Variants in TCHH observed in about 807,000 individuals in gnomAD.
TCHH encodes trichohyalin.
TCHH carries 6 observed loss-of-function variants against 6.3 expected under a neutral mutation model. The ratio of observed to expected loss-of-function variants is 0.95; its 90% CI spans 0.52 to 1.88. The LOEUF (loss-of-function observed/expected upper bound fraction) is 1.88. TCHH is among the 40% of genes most tolerant of loss of function. The pLI, the probability that TCHH is intolerant of heterozygous loss-of-function variation, is 0.01. For missense variants in TCHH, 2,920 were observed against 2,449.1 expected (o/e 1.19, Z -4.06); for synonymous variants, 1,087 against 963.6 (o/e 1.13, Z -2.37).
rs769196878 is a variant in TCHH, at chr1:152,107,726, C to T, written c.5491G>A (p.Glu1831Lys). The change falls in exon 3 of 3, where the codon GAG becomes AAG. Residue 1831 changes from glutamate (E) to lysine (K), a missense_variant. Physicochemically the swap from Glu to Lys is moderately conservative, Grantham distance 56 (BLOSUM62 1). Coordinates refer to ENST00000614923, the MANE Select transcript of TCHH (RefSeq NM_007113.4). The stretch of plus-strand genomic sequence containing the variant: ...TGCCGCAGCCTCTGCTCTTGTTCCT[C>T]AAGTTGGAGCTGCTCTTCTTCCCAG... ...YRWEEEQLQL[E>K]EQEQRLRQER... The T allele has an allele frequency of 1.7e-5, 28 of 1,614,118 alleles. No homozygotes were observed. The South Asian group carries it at 1.9e-4, about 11-fold the overall frequency.
rs1272977548 is a variant in TCHH, at chr1:152,111,923, C to G, written c.1294G>C (p.Glu432Gln). Residue 432 changes from glutamate (E) to glutamine (Q), a missense_variant, in exon 3 of 3, where the codon GAG (glutamate) becomes CAG (glutamine). Physicochemically the swap from Glu to Gln is conservative, Grantham distance 29 (BLOSUM62 2). Transcript: ENST00000614923. ...TGCTCGTGCTTCTGCTCGTGCCTCT[C>G]CTCCTCCTGCTCGCGCCTCAGCTGC... ...EQQLRREQEE[E>Q]RHEQKHEQER... 2 of 1,586,766 alleles carry G rather than the reference C, an allele frequency of 1.3e-6. No individual in the cohort carries two copies. The highest frequency in any genetic ancestry group is 1.7e-6 in the Non-Finnish European group (2 of 1,171,720).
At position 152,109,153 on chromosome 1, in the gene TCHH, C is replaced by T. The variant is rs1336123753; in HGVS notation, c.4064G>A (p.Arg1355His). 2 of 1,613,882 alleles carry T rather than the reference C, an allele frequency of 1.2e-6. No homozygotes were observed. Among genetic ancestry groups the T allele is most frequent in the South Asian group, 1.1e-5 (1 of 91,064 alleles). The change falls in exon 3 of 3, where the codon CGC (arginine) becomes CAC (histidine). Residue 1355 changes from arginine to histidine, a missense_variant. Coordinates refer to ENST00000614923, the MANE Select transcript of TCHH (RefSeq NM_007113.4). ...LQEREEQPLR[R>H]QERDRKFREE... The stretch of plus-strand genomic sequence containing the variant: ...GCGGAATTTTCTGTCACGCTCTTGG[C>T]GGCGCAGCGGCTGTTCCTCCCTTTC...
chr1:152,110,465 G>A lies in TCHH; in HGVS notation c.2752C>T (p.Arg918Cys), dbSNP rs773220636. ...EEEEELQREE[R>C]EKRRRQEQER... ...TGTTCTTGGCGCCTTCTCTTCTCGC[G>A]CTCCTCTCTCTGTAGCTCCTCCTCC... The change falls in exon 3 of 3, where the codon CGC becomes TGC. Residue 918 changes from arginine (R) to cysteine (C), a missense_variant. Physicochemically the swap from Arg to Cys is radical, Grantham distance 180. Coordinates refer to ENST00000614923, the MANE Select transcript of TCHH (RefSeq NM_007113.4). 3 of 1,613,894 alleles carry A rather than the reference G, an allele frequency of 1.9e-6. No homozygotes were observed. The highest frequency in any genetic ancestry group is 1.1e-5 in the South Asian group (1 of 91,084).
At position 152,110,904 on chromosome 1, in the gene TCHH, C is replaced by T; in HGVS notation, c.2313G>A (p.Trp771Ter). ...EEQRRDFTWQ[W>*]QAEEKSERGR... ...CCCTCTCGCTCTTTTCCTCCGCCTG[C>T]CACTGCCATGTGAAGTCCCGGCGCT... is the stretch of plus-strand genomic sequence containing the variant. Residue 771 changes from tryptophan to a stop codon, truncating the protein, a stop_gained, in exon 3 of 3, where the codon TGG becomes TGA. Transcript: ENST00000614923. LOFTEE classifies it low-confidence loss of function (END_TRUNC). 1.2e-6 allele frequency: 2 copies of T among 1,612,882 alleles called. No homozygotes were observed. The highest frequency in any genetic ancestry group is 8.5e-7 in the Non-Finnish European group (1 of 1,179,976).
Position 152,110,668 on chromosome 1 carries a change from T to C in TCHH, c.2549A>G (p.Gln850Arg), listed in dbSNP as rs760220914. Residue 850 changes from glutamine to arginine, a missense_variant, in exon 3 of 3, where the codon CAG becomes CGG. Physicochemically the swap from Gln to Arg is conservative, Grantham distance 43 (BLOSUM62 1). Coordinates refer to ENST00000614923, the MANE Select transcript of TCHH (RefSeq NM_007113.4). Reference protein sequence around the residue: ...LQRRERAQQLQEEEDGLQEDQ... With the variant: ...LQRRERAQQLREEEDGLQEDQ... The stretch of plus-strand genomic sequence containing the variant: ...CTCCTGGAGGCCGTCCTCCTCCTCC[T>C]GGAGCTGTTGGGCACGCTCCCGCCG... The C allele has an allele frequency of 1.1e-5, 17 of 1,613,402 alleles. No homozygotes were observed. Among genetic ancestry groups the C allele is most frequent in the Non-Finnish European group, 1.4e-5 (17 of 1,179,966 alleles).
rs750524187 is a variant in TCHH at position 152,111,284 on chromosome 1, G to C, written c.1933C>G (p.Gln645Glu). 3 of 1,600,750 alleles carry C rather than the reference G, an allele frequency of 1.9e-6. No individual in the cohort carries two copies. The highest frequency in any genetic ancestry group is 2.8e-5 in the African/African-American group (2 of 72,504). ...KSEEQEERRQQQLRREQQERR... is the reference protein window; with the variant it reads ...KSEEQEERRQEQLRREQQERR... ...TCCTGCTGCTCGCGCCTTAGTTGCT[G>C]CTGGCGCCTCTCCTCCTGCTCCTCG... The change falls in exon 3 of 3, where the codon CAG becomes GAG. Residue 645 changes from glutamine to glutamate, a missense_variant. By Grantham distance (29) the Gln-to-Glu change is conservative (BLOSUM62 2). Coordinates refer to ENST00000614923, the MANE Select transcript of TCHH (RefSeq NM_007113.4).
chr1:152,113,761 C>T (rs751009357), intron 2 of TCHH, among the ~76,000 whole-genome samples, 182 bp downstream of exon 2: 2 of 152,182 alleles, frequency 1.3e-5, no homozygotes, highest in African/African-American at 4.8e-5. Flanking sequence ...ACATGAAATA[C>T]TTTATTATTC....
Position 152,112,409 on chromosome 1 carries a change from C to G in TCHH, c.808G>C (p.Glu270Gln). The change falls in exon 3 of 3, where the codon GAG becomes CAG. Residue 270 changes from glutamate (E) to glutamine (Q), a missense_variant. Coordinates refer to ENST00000614923, the MANE Select transcript of TCHH (RefSeq NM_007113.4). ...LQEEEPQRQR[E>Q]LQEEEEQLRK... ...AGCTGCTCTTCTTCCTCCTGGAGCTCTCTTTGCCGCTGCGGCTCCTCTTCC... is the reference window on the plus strand; with the variant it reads ...AGCTGCTCTTCTTCCTCCTGGAGCTGTCTTTGCCGCTGCGGCTCCTCTTCC... The G allele has an allele frequency of 6.2e-7, 1 of 1,613,854 alleles. No homozygotes were observed. Among genetic ancestry groups the G allele is most frequent in the Non-Finnish European group, 8.5e-7 (1 of 1,180,006 alleles).
chr1:152,108,866 C>T lies in TCHH; in HGVS notation c.4351G>A (p.Glu1451Lys), dbSNP rs746688192. 1.2e-6 allele frequency: 2 copies of T among 1,613,030 alleles called. No homozygotes were observed. Among genetic ancestry groups the T allele is most frequent in the East Asian group, 2.2e-5 (1 of 44,738 alleles). ...CGCTCCTGGCGCAGCTGCTGTTCCT[C>T]CTCCAGGAATTTTCTCTCTCGTTCC... ...RQERERKFLE[E>K]EQQLRQERHR... is the part of the protein sequence containing the mutation. Residue 1451 changes from glutamate to lysine, a missense_variant, in exon 3 of 3, where the codon GAG (glutamate) becomes AAG (lysine). Transcript: ENST00000614923.
chr1:152,111,422 C>T lies in TCHH; in HGVS notation c.1795G>A (p.Glu599Lys), dbSNP rs766428309. The T allele has an allele frequency of 3.7e-6, 6 of 1,602,328 alleles. No homozygotes were observed. The African/African-American group carries it at 7.0e-5, about 19-fold the overall frequency. Residue 599 changes from glutamate to lysine, a missense_variant, in exon 3 of 3, where the codon GAG becomes AAG. Transcript: ENST00000614923. ...RLKREQEERL[E>K]QRLKREEVER... ...ACCTCCTCGCGCTTCAGTCGCTGCTCGAGCCTCTCTTCCTGCTCGCGCTTC... is the reference window on the plus strand; with the variant it reads ...ACCTCCTCGCGCTTCAGTCGCTGCTTGAGCCTCTCTTCCTGCTCGCGCTTC...
In TCHH at chr1:152,112,419, C is replaced by T. The variant is rs541676028; in HGVS notation, c.798G>A (p.Gln266=). 1 of 1,613,924 alleles carries T rather than the reference C, an allele frequency of 6.2e-7. No homozygotes were observed. Among genetic ancestry groups the T allele is most frequent in the East Asian group, 2.2e-5 (1 of 44,854 alleles). The change falls in exon 3 of 3, where the codon CAG becomes CAA. Residue 266 remains glutamine (Q), a synonymous_variant. Coordinates refer to ENST00000614923, the MANE Select transcript of TCHH (RefSeq NM_007113.4). The part of the protein sequence containing the change: ...EEEKLQEEEP[Q]RQRELQEEEE... Reference sequence around the variant, plus strand: ...CTTCCTCCTGGAGCTCTCTTTGCCGCTGCGGCTCCTCTTCCTGCAACTTCT... The same window carrying T: ...CTTCCTCCTGGAGCTCTCTTTGCCGTTGCGGCTCCTCTTCCTGCAACTTCT...
Position 152,111,367 on chromosome 1 carries a change from T to C in TCHH, c.1850A>G (p.Glu617Gly). 2.5e-6 allele frequency: 4 copies of C among 1,608,236 alleles called. No homozygotes were observed. The highest frequency in any genetic ancestry group is 3.4e-6 in the Non-Finnish European group (4 of 1,178,648). The change falls in exon 3 of 3, where the codon GAG (glutamate) becomes GGG (glycine). Residue 617 changes from glutamate (E) to glycine (G), a missense_variant. Transcript: ENST00000614923. ...CGGCTCCTCGCGCTTCAGCCGCTGC[T>C]CGCGCCTCTCCTCCTGCTCGAGTCT... Reference protein sequence around the residue: ...VERLEQEERREQRLKREEPEE... With the variant: ...VERLEQEERRGQRLKREEPEE...
At position 152,111,856 on chromosome 1, in the gene TCHH, C is replaced by T. The variant is rs1208304539; in HGVS notation, c.1361G>A (p.Arg454Lys). ...CTCCTCGCGCTTCAGCCAATCGCGCCTCTCCTCCTGCTCGCGCTTCAGCCG... is the reference window on the plus strand; with the variant it reads ...CTCCTCGCGCTTCAGCCAATCGCGCTTCTCCTCCTGCTCGCGCTTCAGCCG... Reference protein sequence around the residue: ...EQRLKREQEERRDWLKREEET... With the variant: ...EQRLKREQEEKRDWLKREEET... The change falls in exon 3 of 3, where the codon AGG becomes AAG. Residue 454 changes from arginine (R) to lysine (K), a missense_variant. Arg to Lys is a conservative substitution (Grantham distance 26). Coordinates refer to ENST00000614923, the MANE Select transcript of TCHH (RefSeq NM_007113.4). 6.9e-6 allele frequency: 11 copies of T among 1,592,864 alleles called. No homozygotes were observed. The South Asian group carries it at 8.9e-5, about 13-fold the overall frequency.
rs771999243 is a variant in TCHH, at chr1:152,107,472, G to A, written c.5745C>T (p.Pro1915=). 3.1e-6 allele frequency: 5 copies of A among 1,613,972 alleles called. No individual in the cohort carries two copies. Among genetic ancestry groups the A allele is most frequent in the East Asian group, 4.5e-5 (2 of 44,892 alleles). Residue 1915 remains proline, a synonymous_variant, in exon 3 of 3, where the codon CCC becomes CCT. Coordinates refer to ENST00000614923, the MANE Select transcript of TCHH (RefSeq NM_007113.4). ...EGKGHGRLLE[P]GTHQFASVPV... is the part of the protein sequence containing the mutation. The stretch of plus-strand genomic sequence containing the variant: ...GGACACTGGCAAACTGATGAGTGCC[G>A]GGCTCCAGAAGCCGCCCATGGCCCT...
Position 152,109,281 on chromosome 1 carries a change from C to A in TCHH, c.3936G>T (p.Arg1312Ser), listed in dbSNP as rs373927137. 159 of 1,614,136 alleles carry A rather than the reference C, an allele frequency of 9.9e-5. No homozygotes were observed. The highest frequency in any genetic ancestry group is 6.2e-4 in the Admixed American group (37 of 60,016). Residue 1312 changes from arginine to serine, a missense_variant, in exon 3 of 3, where the codon AGG becomes AGT. Arg to Ser is a moderately radical substitution (Grantham distance 110). Transcript: ENST00000614923. ...EEQKEAKRRD[R>S]KSQEEKQLLR... is the part of the protein sequence containing the mutation. The stretch of plus-strand genomic sequence containing the variant: ...GCAACTGCTTTTCCTCTTGGGACTT[C>A]CTGTCGCGCCTTTTGGCTTCCTTTT...
chr1:152,113,657 A>C (rs1218938817), intron 2 of TCHH, among the ~76,000 whole-genome samples: 2 of 152,208 alleles, frequency 1.3e-5, no homozygotes, highest in Non-Finnish European at 2.9e-5. Flanking sequence ...TGAAATTTGG[A>C]AACAAATTTA....
In TCHH at chr1:152,108,694, A is replaced by ACCTGCT. The variant is rs1658204019; in HGVS notation, c.4522_4523insAGCAGG (p.Leu1508delinsGlnGlnVal). 1 of 1,577,460 alleles carries ACCTGCT rather than the reference A, an allele frequency of 6.3e-7. No individual in the cohort carries two copies. ...TTTTCTCTCTGGTTCCTGACTGCGC[A>ACCTGCT]GTTCCTGTTCGCGGAATTTTCTGTC... is the stretch of plus-strand genomic sequence containing the variant. On this transcript the variant is annotated protein_altering_variant, in exon 3 of 3. Coordinates refer to ENST00000614923, the MANE Select transcript of TCHH (RefSeq NM_007113.4).
In TCHH at chr1:152,109,796, G is replaced by C. The variant is rs1237823446; in HGVS notation, c.3421C>G (p.Arg1141Gly). The change falls in exon 3 of 3, where the codon CGG (arginine) becomes GGG (glycine). Residue 1141 changes from arginine (R) to glycine (G), a missense_variant. By Grantham distance (125) the Arg-to-Gly change is moderately radical. Coordinates refer to ENST00000614923, the MANE Select transcript of TCHH (RefSeq NM_007113.4). ...TCCTGCTGCACCTCCTCTTCCTCCC[G>C]ATATTGCCTCTCCAGCTCCTGGCGC... ...RRRQELERQY[R>G]EEEEVQQEEE... The C allele has an allele frequency of 6.3e-7, 1 of 1,576,554 alleles. No homozygotes were observed. The highest frequency in any genetic ancestry group is 8.6e-7 in the Non-Finnish European group (1 of 1,161,352).
chr1:152,110,789 A>G lies in TCHH; in HGVS notation c.2428T>C (p.Phe810Leu). 6.2e-7 allele frequency: 1 copy of G among 1,607,048 alleles called. No homozygotes were observed. ...TCCTTCTCCTCCTCCTCCGGGAGAA[A>G]CCGTTGTTCCCGCTGCTGGCGCTCC... ...AEERQQREQR[F>L]LPEEEEKEQR... The change falls in exon 3 of 3, where the codon TTT becomes CTT. Residue 810 changes from phenylalanine (F) to leucine (L), a missense_variant. By Grantham distance (22) the Phe-to-Leu change is conservative. Transcript: ENST00000614923.
Sources: allele counts gnomAD v4.1 joint callset (sites outside exome capture counted in the v4.1 genomes callset), GRCh38; gene constraint gnomAD v4.1.1; transcripts MANE v1.5; gene names NCBI Gene and HGNC (gene_info 2026-07-23, HGNC 2026-07-21).